REEP1: variants seen among roughly 807,000 people sequenced by gnomAD.
The protein encoded by REEP1 is receptor expression-enhancing protein 1.
A neutral mutation model predicts 40.3 loss-of-function variants in REEP1; 22 were observed. The ratio of observed to expected loss-of-function variants is 0.55; its 90% CI spans 0.39 to 0.78. The LOEUF is 0.78. Ranked by LOEUF, REEP1 falls within the 30% of genes least tolerant of loss-of-function variation. REEP1 has a pLI of 0.00. For missense variants in REEP1, 280 were observed against 361.1 expected (o/e 0.78, Z 1.82); for synonymous variants, 116 against 139.2 (o/e 0.83, Z 1.17).
chr2:86,294,808 G>A (rs984431515), intron 1 of REEP1, among the ~76,000 whole-genome samples: 1 of 152,120 alleles, frequency 6.6e-6, no homozygotes, highest in Non-Finnish European at 1.5e-5. Flanking sequence ...GAGATGGCTT[G>A]GTTATAAATA....
At chr2:86,326,200 CA>C (rs1200743151) in intron 1 of REEP1, among the ~76,000 whole-genome samples, 1 of 152,154 alleles carries the variant, frequency 6.6e-6, no homozygotes, top group Non-Finnish European at 1.5e-5. Flanking sequence ...ATAAACTTCT[CA>C]AAGATGGAAT....
chr2:86,243,890 G>A (rs1249662570), intron 5 of REEP1, among the ~76,000 whole-genome samples: 3 of 152,168 alleles, frequency 2.0e-5, no homozygotes, highest in African/African-American at 7.2e-5. Flanking sequence ...TCCTCTGAGG[G>A]ATGAAGAGAC....
At chr2:86,265,064 C>T (rs964564065) in intron 2 of REEP1, among the ~76,000 whole-genome samples, 8 of 152,358 alleles carry the variant, frequency 5.3e-5, no homozygotes, top group Non-Finnish European at 1.0e-4. Context: ...CAAAAATCTA[C>T]ATATAAATTC....
chr2:86,324,693 CA>C (rs1294154328), intron 1 of REEP1, among the ~76,000 whole-genome samples: 2 of 152,074 alleles, frequency 1.3e-5, no homozygotes, highest in African/African-American at 4.8e-5. Context: ...TAAAAAGCCC[CA>C]GGATAGGCCC....
intron 1 of REEP1, chr2:86,297,726 A>G (rs1679053671): frequency 1.0e-6 from 1 of 985,230 alleles, no homozygotes; most frequent in South Asian, 4.7e-5. Context: ...TCTCAGTGGA[A>G]TCATAAAAGC....
intron 7 of REEP1, among the ~76,000 whole-genome samples, chr2:86,221,839 C>T (rs1263658576): frequency 6.6e-6 from 1 of 152,172 alleles, no homozygotes; most frequent in Non-Finnish European, 1.5e-5. Context: ...CAGGAAATTC[C>T]TTCTGGACAC....
At chr2:86,255,862 A>C (rs1360636236) in intron 3 of REEP1, among the ~76,000 whole-genome samples, 2 of 152,312 alleles carry the variant, frequency 1.3e-5, no homozygotes, top group East Asian at 3.9e-4. Flanking sequence ...TCTGAATTTC[A>C]GCCCCATTCA....
chr2:86,334,586 G>C (rs775869744), intron 1 of REEP1, among the ~76,000 whole-genome samples: 4 of 152,104 alleles, frequency 2.6e-5, no homozygotes, highest in African/African-American at 7.2e-5. Flanking sequence ...CAGATGAGGG[G>C]GAGGACTAGA....
At chr2:86,259,047 C>A (rs1211919344) in intron 3 of REEP1, among the ~76,000 whole-genome samples, 4 of 152,162 alleles carry the variant, frequency 2.6e-5, no homozygotes, top group African/African-American at 9.7e-5. Flanking sequence ...GTGGCTCATG[C>A]CTGTAATCCC....
intron 3 of REEP1, among the ~76,000 whole-genome samples, chr2:86,256,145 G>A (rs543357793): frequency 1.0e-3 from 155 of 151,946 alleles, no homozygotes; most frequent in South Asian, 5.0e-3. Context: ...TCAGGGGTTC[G>A]AGACCAGCCT....
chr2:86,269,659 C>A lies in REEP1; in HGVS notation c.106-5618G>T, dbSNP rs888221156. ...CAACTGAATGGCCCCTTCCTCCCAG[C>A]AAAGGACATTTAAAAATAAACCTGA... On this transcript the variant is annotated intron_variant, in intron 2 of 8. Coordinates refer to ENST00000538924, the MANE Select transcript of REEP1 (RefSeq NM_001371279.1). Among the ~76,000 whole-genome samples, 4 of 152,124 alleles carry A rather than the reference C, an allele frequency of 2.6e-5. No individual in the cohort carries two copies. The East Asian group carries it at 7.7e-4, about 29-fold the overall frequency.
In REEP1 at chr2:86,215,284, C is replaced by T. The variant is rs1033414400; in HGVS notation, c.*1755G>A. On this transcript the variant is annotated 3_prime_UTR_variant, in exon 9 of 9. Transcript: ENST00000538924. ...TTTTCCTATACCCTTTTGCAAATTA[C>T]AAAATCACCTTCAGAGGAACTATGG... 1 of 152,120 alleles carries T rather than the reference C, an allele frequency of 6.6e-6. No homozygotes were observed. Among genetic ancestry groups the T allele is most frequent in the Non-Finnish European group, 1.5e-5 (1 of 68,034 alleles). 9.4% of individuals were successfully genotyped at this position (152,120 alleles called of 1,614,324 possible).
At chr2:86,280,012 A>G (rs58029983) in intron 2 of REEP1, 23,094 of 456,266 alleles carry the variant, frequency 0.051, 885 homozygotes, top group African/African-American at 0.13. Context: ...GCAGAGAAGG[A>G]CGACAGACCT....
intron 1 of REEP1, among the ~76,000 whole-genome samples, chr2:86,289,788 T>G (rs576961948): frequency 2.6e-5 from 4 of 152,142 alleles, no homozygotes; most frequent in East Asian, 3.9e-4. Context: ...GTTTTGGGGG[T>G]TTTTTTGGTG....
chr2:86,239,036 C>T (rs905472658), intron 5 of REEP1, among the ~76,000 whole-genome samples: 4 of 151,980 alleles, frequency 2.6e-5, no homozygotes, highest in African/African-American at 9.7e-5. Flanking sequence ...TTACTCTTCA[C>T]TGGACACTCT....
chr2:86,238,816 A>C (rs1675501837), intron 5 of REEP1, among the ~76,000 whole-genome samples: 1 of 152,092 alleles, frequency 6.6e-6, no homozygotes, highest in Non-Finnish European at 1.5e-5. Context: ...AAAAGAAGGA[A>C]TGTGTGTTAG....
At chr2:86,285,933 G>T (rs72940149) in intron 1 of REEP1, among the ~76,000 whole-genome samples, 16,150 of 152,094 alleles carry the variant, frequency 0.11, 1,670 homozygotes, top group African/African-American at 0.27. Flanking sequence ...GAAGGCTGGA[G>T]TGCCATCCTC....
At chr2:86,273,695 G>A (rs971029224) in intron 2 of REEP1, among the ~76,000 whole-genome samples, 10 of 151,868 alleles carry the variant, frequency 6.6e-5, no homozygotes, top group East Asian at 3.9e-4. Flanking sequence ...CTTTTTTTGC[G>A]TCTGATTTCA....
intron 6 of REEP1, among the ~76,000 whole-genome samples, chr2:86,229,625 T>A (rs1472794803): frequency 6.8e-6 from 1 of 146,694 alleles, no homozygotes; most frequent in African/African-American, 2.5e-5. Flanking sequence ...TTTTTTTTTT[T>A]AAAGATGGAG....
Sources: allele counts gnomAD v4.1 joint callset (sites outside exome capture counted in the v4.1 genomes callset), GRCh38; gene constraint gnomAD v4.1.1; transcripts MANE v1.5; gene names NCBI Gene and HGNC (gene_info 2026-07-23, HGNC 2026-07-21).